Variants in PCDHGA1 observed in about 807,000 individuals in gnomAD.
PCDHGA1 encodes the protein protocadherin gamma-A1.
Under a neutral mutation model 58.0 loss-of-function variants are expected in PCDHGA1, and 32 were observed. The observed-to-expected ratio is 0.55, with a 90% confidence interval of 0.42 to 0.74. The LOEUF is 0.74. PCDHGA1 is among the 30% of genes least tolerant of loss of function. The pLI is 0.00. For synonymous variants in PCDHGA1, 498 were observed against 501.1 expected, an observed-to-expected ratio of 0.99 and a Z score of 0.08; for missense variants, 1,205 against 1,182.3, an observed-to-expected ratio of 1.02 and a Z score of -0.28.
intron 1 of PCDHGA1, chr5:141,389,522 G>T (rs983186726): frequency 5.0e-6 from 8 of 1,613,060 alleles, no homozygotes; most frequent in Middle Eastern, 3.3e-4. Flanking sequence ...ACGTGAGCCT[G>T]CGCGTGTTAG....
At position 141,491,390 on chromosome 5, in the gene PCDHGA1, T is replaced by C; in HGVS notation, c.2422-3417T>C. 6.2e-7 allele frequency: 1 copy of C among 1,614,130 alleles called. No homozygotes were observed. Among genetic ancestry groups the C allele is most frequent in the Non-Finnish European group, 8.5e-7 (1 of 1,179,988 alleles). ...TTCACCTTTCTGTCAGCGAAGTGCC[T>C]TCAGGGAAACGCAGACGGGGACGGG... On this transcript the variant is annotated intron_variant, in intron 1 of 3. Coordinates refer to ENST00000517417, the MANE Select transcript of PCDHGA1 (RefSeq NM_018912.3). This position sits in a 1 kb window ranked among gnomAD's most constrained non-coding sequence, Gnocchi z 6.9.
chr5:141,393,690 C>T (rs779487285), intron 1 of PCDHGA1: 4 of 1,613,752 alleles, frequency 2.5e-6, no homozygotes, highest in Non-Finnish European at 2.5e-6. Context: ...TCCGTTATTC[C>T]AGCTTAATGA....
At chr5:141,505,554 C>T in intron 3 of PCDHGA1, 73 bp downstream of exon 3, 1 of 1,606,130 alleles carries the variant, frequency 6.2e-7, no homozygotes, top group Non-Finnish European at 8.5e-7. Context: ...AGCCACCATG[C>T]CCACGGACTG....
In PCDHGA1 at chr5:141,330,784, T is replaced by C. The variant is rs757871905; in HGVS notation, c.100T>C (p.Ser34Pro). The change falls in exon 1 of 4, where the codon TCA becomes CCA. Residue 34 changes from serine to proline, a missense_variant. By Grantham distance (74) the Ser-to-Pro change is moderately conservative. Transcript: ENST00000517417. ...LEAGAGNIHY[S>P]VPEETDKGSF... The stretch of plus-strand genomic sequence containing the variant: ...AGCTGGGGCTGGGAATATTCACTAC[T>C]CAGTGCCGGAAGAGACAGACAAAGG... 1.2e-6 allele frequency: 2 copies of C among 1,614,074 alleles called. No individual in the cohort carries two copies. Among genetic ancestry groups the C allele is most frequent in the Admixed American group, 1.7e-5 (1 of 59,998 alleles).
At chr5:141,370,483 C>T in intron 1 of PCDHGA1, 1 of 1,613,876 alleles carries the variant, frequency 6.2e-7, no homozygotes, top group East Asian at 2.2e-5. Flanking sequence ...CAGGCTCTCT[C>T]CGAACCGATC....
Position 141,432,608 on chromosome 5 carries a change from T to G in PCDHGA1, c.2422-62199T>G. ...GCTCAAGGCCAGCGAGCCGGGACTC[T>G]TCTCGGTGGGTCTGCACACGGGCGA... On this transcript the variant is annotated intron_variant, in intron 1 of 3. Transcript: ENST00000517417. This position sits in a 1 kb window ranked among gnomAD's most constrained non-coding sequence, Gnocchi z 6.0. The G allele has an allele frequency of 6.2e-7, 1 of 1,613,864 alleles. No individual in the cohort carries two copies. The highest frequency in any genetic ancestry group is 8.5e-7 in the Non-Finnish European group (1 of 1,179,964).
chr5:141,413,788 G>T (rs2095678300), intron 1 of PCDHGA1: 1 of 1,613,166 alleles, frequency 6.2e-7, no homozygotes, highest in African/African-American at 1.3e-5. Flanking sequence ...GCACTCCCTA[G>T]ATCGCGAGGA....
At chr5:141,496,285 A>G (rs1003747820) in intron 2 of PCDHGA1, among the ~76,000 whole-genome samples, 1 of 152,210 alleles carries the variant, frequency 6.6e-6, no homozygotes, top group Non-Finnish European at 1.5e-5. Flanking sequence ...AGTTGGTCTG[A>G]GCAGAGTGGG....
intron 1 of PCDHGA1, chr5:141,357,547 G>T (rs763777724): frequency 2.4e-5 from 38 of 1,614,096 alleles, no homozygotes; most frequent in South Asian, 2.2e-4. Context: ...CATCAGCCGG[G>T]AGAGTTGTGA....
Position 141,345,270 on chromosome 5 carries a change from G to A in PCDHGA1, c.2421+12165G>A, listed in dbSNP as rs760387404. The A allele has an allele frequency of 5.6e-6, 9 of 1,613,776 alleles. No individual in the cohort carries two copies. The African/African-American group carries it at 8.0e-5, about 14-fold the overall frequency. Reference sequence around the variant, plus strand: ...AGTGACGGCCACATCCCTGGACCGCGAACAAATATCAGAATATAACATTAG... The same window carrying A: ...AGTGACGGCCACATCCCTGGACCGCAAACAAATATCAGAATATAACATTAG... On this transcript the variant is annotated intron_variant, in intron 1 of 3. Transcript: ENST00000517417.
intron 1 of PCDHGA1, chr5:141,339,782 G>T (rs1030624939): frequency 3.1e-6 from 5 of 1,614,230 alleles, no homozygotes; most frequent in African/African-American, 1.3e-5. Flanking sequence ...TGACGCAGAT[G>T]AGGGCTACTA....
In PCDHGA1 at chr5:141,330,786, AG is replaced by A; in HGVS notation, c.103del (p.Val35CysfsTer11). 4.3e-6 allele frequency: 7 copies of A among 1,614,210 alleles called. No individual in the cohort carries two copies. Among genetic ancestry groups the A allele is most frequent in the Non-Finnish European group, 5.9e-6 (7 of 1,180,048 alleles). On this transcript the variant is annotated frameshift_variant, in exon 1 of 4. Transcript: ENST00000517417. LOFTEE classifies it high-confidence loss of function. ...EAGAGNIHYS[V>X]PEETDKGSFV... Reference sequence around the variant, plus strand: ...CTGGGGCTGGGAATATTCACTACTCAGTGCCGGAAGAGACAGACAAAGGTTC... The same window carrying A: ...CTGGGGCTGGGAATATTCACTACTCATGCCGGAAGAGACAGACAAAGGTTC...
intron 1 of PCDHGA1, among the ~76,000 whole-genome samples, chr5:141,337,246 A>G (rs2149718477): frequency 6.6e-6 from 1 of 152,354 alleles, no homozygotes; most frequent in East Asian, 1.9e-4. Context: ...TAGAATTACC[A>G]TATAATCCAG....
intron 1 of PCDHGA1, among the ~76,000 whole-genome samples, chr5:141,362,829 T>A (rs1211697961): frequency 6.6e-6 from 1 of 152,260 alleles, no homozygotes. Flanking sequence ...GATTTGTTGC[T>A]ATTGAGACTT....
chr5:141,489,793 C>G lies in PCDHGA1; in HGVS notation c.2422-5014C>G. On this transcript the variant is annotated intron_variant, in intron 1 of 3. Transcript: ENST00000517417. This position sits in a 1 kb window ranked among gnomAD's most constrained non-coding sequence, Gnocchi z 4.5. ...CCACTTCTCTCTGAATGTGAAGACC[C>G]TAAAAGATGGGAAGCCATTCCCAGA... 1 of 1,614,160 alleles carries G rather than the reference C, an allele frequency of 6.2e-7. No individual in the cohort carries two copies. The highest frequency in any genetic ancestry group is 1.1e-5 in the South Asian group (1 of 91,078).
intron 1 of PCDHGA1, chr5:141,393,074 G>C (rs775449711): frequency 7.4e-6 from 12 of 1,613,592 alleles, no homozygotes; most frequent in African/African-American, 2.7e-5. Flanking sequence ...TGATCACCGC[G>C]GGCAGGATAG....
intron 1 of PCDHGA1, chr5:141,376,605 G>A (rs1772889995): frequency 1.2e-5 from 18 of 1,502,688 alleles, no homozygotes; most frequent in Middle Eastern, 3.5e-4. Flanking sequence ...TTATAGAAGC[G>A]AACCTCTTTT....
At chr5:141,374,852 G>C in intron 1 of PCDHGA1, 1 of 1,613,798 alleles carries the variant, frequency 6.2e-7, no homozygotes, top group Middle Eastern at 1.6e-4. Context: ...AAACCTGCCA[G>C]TAGGCACACC....
chr5:141,400,217 T>G, intron 1 of PCDHGA1: 1 of 1,614,034 alleles, frequency 6.2e-7, no homozygotes, highest in Non-Finnish European at 8.5e-7. Context: ...TTGATCTCAG[T>G]GCTCTTCCTC....
Sources: allele counts gnomAD v4.1 joint callset (sites outside exome capture counted in the v4.1 genomes callset), GRCh38; gene constraint gnomAD v4.1.1; non-coding constraint Gnocchi (gnomAD v3.1); transcripts MANE v1.5; gene names NCBI Gene and HGNC (gene_info 2026-07-23, HGNC 2026-07-21).